Variants in ZBTB46 observed in about 807,000 individuals in gnomAD.
ZBTB46 encodes zinc finger and BTB domain containing 46.
Under a neutral mutation model 44.1 loss-of-function variants are expected in ZBTB46, and 8 were observed. That is an observed-to-expected ratio of 0.18 (90% CI 0.11 to 0.33). ZBTB46 has a LOEUF of 0.33. Among genes scored for constraint, ZBTB46 ranks in the 10% least tolerant of loss-of-function variants. The pLI, the probability that ZBTB46 is intolerant of heterozygous loss-of-function variation, is 1.00. For missense variants in ZBTB46, 651 were observed against 847.7 expected (o/e 0.77, Z 2.88); for synonymous variants, 409 against 382.3 (o/e 1.07, Z -0.81).
At chr20:63,750,779 T>G (rs2092152713) in intron 4 of ZBTB46, among the ~76,000 whole-genome samples, 1 of 152,014 alleles carries the variant, frequency 6.6e-6, no homozygotes, top group Non-Finnish European at 1.5e-5. Flanking sequence ...GGTGCACACC[T>G]GTAGTCCCAG....
chr20:63,806,932 G>A (rs1156731132), intron 1 of ZBTB46, among the ~76,000 whole-genome samples: 2 of 151,960 alleles, frequency 1.3e-5, no homozygotes, highest in East Asian at 1.9e-4. Flanking sequence ...ACCAGCGCCC[G>A]CCACCACACC....
intron 1 of ZBTB46, chr20:63,815,283 CAGGTGCAGTGGGCAA>C (rs1285629932): frequency 2.0e-4 from 56 of 286,690 alleles, no homozygotes; most frequent in South Asian, 1.4e-3. Flanking sequence ...GCAGTGAGTG[CAGGTGCAGTGGGCAA>C]AGGTGCAGTG....
At chr20:63,801,627 C>G (rs950867880) in intron 1 of ZBTB46, among the ~76,000 whole-genome samples, 1 of 152,180 alleles carries the variant, frequency 6.6e-6, no homozygotes, top group Non-Finnish European at 1.5e-5. Context: ...TAAGACTCAC[C>G]GTGAAGGTCT....
chr20:63,790,032 C>T lies in ZBTB46; in HGVS notation c.726G>A (p.Glu242=). The change falls in exon 2 of 5, where the codon GAG becomes GAA. Residue 242 remains glutamate (E), a synonymous_variant. Coordinates refer to ENST00000245663, the MANE Select transcript of ZBTB46 (RefSeq NM_001369741.1). ...CTGCACCGTCCTTGGCAGAAGGCAG[C>T]TCGCTCCCTCCGTACTGAGACGGTG... is the stretch of plus-strand genomic sequence containing the variant. ...QVSPSQYGGS[E]LPSAKDGAVQ... The T allele has an allele frequency of 6.2e-7, 1 of 1,613,964 alleles. No individual in the cohort carries two copies. The highest frequency in any genetic ancestry group is 8.5e-7 in the Non-Finnish European group (1 of 1,179,892).
rs566760571 is a variant in ZBTB46 at position 63,767,285 on chromosome 20, C to T, written c.1222+8393G>A. 6.6e-6 allele frequency among the ~76,000 whole-genome samples: 1 copy of T among 152,220 alleles called. No individual in the cohort carries two copies. The highest frequency in any genetic ancestry group is 1.9e-4 in the East Asian group (1 of 5,156). ...TGTTTTCCCGCCCCTGAAAGCCCCC[C>T]GTCCCCACACATTGGCAATCCCGTA... On this transcript the variant is annotated intron_variant, in intron 3 of 4. Coordinates refer to ENST00000245663, the MANE Select transcript of ZBTB46 (RefSeq NM_001369741.1). The surrounding 1 kb of genome is among the most constrained non-coding windows in gnomAD (Gnocchi z 5.0).
chr20:63,829,362 T>C (rs1043449047), intron 1 of ZBTB46, among the ~76,000 whole-genome samples: 1 of 152,260 alleles, frequency 6.6e-6, no homozygotes, highest in Non-Finnish European at 1.5e-5. Context: ...TTCAGGATAA[T>C]GCTGTCAGTG....
chr20:63,797,493 T>C (rs942993958), intron 1 of ZBTB46, among the ~76,000 whole-genome samples: 5 of 152,194 alleles, frequency 3.3e-5, no homozygotes, highest in African/African-American at 1.2e-4. Flanking sequence ...AGCAACATGA[T>C]TTATAATCCT....
intron 3 of ZBTB46, among the ~76,000 whole-genome samples, chr20:63,772,001 CTTTT>C (rs11473575): frequency 7.2e-6 from 1 of 138,854 alleles, no homozygotes; most frequent in Non-Finnish European, 1.5e-5. Context: ...AGGGCAAATT[CTTTT>C]TTTTTTTTTT....
At chr20:63,805,973 C>T (rs1445074040) in intron 1 of ZBTB46, among the ~76,000 whole-genome samples, 2 of 151,656 alleles carry the variant, frequency 1.3e-5, no homozygotes, top group African/African-American at 4.8e-5. Context: ...CAGGGTTTCA[C>T]CATGTTGGCC....
At position 63,775,688 on chromosome 20, in the gene ZBTB46, G is replaced by A. The variant is rs1318552678; in HGVS notation, c.1212C>T (p.His404=). Residue 404 remains histidine, a synonymous_variant, in exon 3 of 5, where the codon CAC becomes CAT. Transcript: ENST00000245663. ...LLFEYLPRGA[H]SLSLNEFTVI... ...AGGGCCTGCACTTACGGGACAGCGA[G>A]TGGGCCCCTCTGGGCAGGTACTCGA... 3 of 1,576,114 alleles carry A rather than the reference G, an allele frequency of 1.9e-6. No homozygotes were observed. The highest frequency in any genetic ancestry group is 2.6e-6 in the Non-Finnish European group (3 of 1,159,354).
At chr20:63,825,395 C>A (rs1164246801) in intron 1 of ZBTB46, among the ~76,000 whole-genome samples, 1 of 135,454 alleles carries the variant, frequency 7.4e-6, no homozygotes, top group Non-Finnish European at 1.6e-5. Context: ...AACAAGACTC[C>A]GTCTCAAAAA....
chr20:63,781,824 G>A (rs1021374851), intron 2 of ZBTB46, among the ~76,000 whole-genome samples: 5 of 151,852 alleles, frequency 3.3e-5, no homozygotes, highest in African/African-American at 1.2e-4. Flanking sequence ...GGTGGCTCAC[G>A]CCTGTAATCC....
intron 3 of ZBTB46, among the ~76,000 whole-genome samples, chr20:63,768,892 T>C (rs1163904179): frequency 6.6e-6 from 1 of 152,140 alleles, no homozygotes; most frequent in Non-Finnish European, 1.5e-5. Context: ...CACTGAGCTC[T>C]AGGAACTGAT....
At chr20:63,786,753 G>A (rs139228302) in intron 2 of ZBTB46, among the ~76,000 whole-genome samples, 4,539 of 152,134 alleles carry the variant, frequency 0.03, 91 homozygotes, top group South Asian at 0.094. Context: ...CTTGTGATCC[G>A]CCCGCCTTGG....
chr20:63,763,733 C>T (rs1253147972), intron 3 of ZBTB46, among the ~76,000 whole-genome samples: 2 of 152,106 alleles, frequency 1.3e-5, no homozygotes, highest in Non-Finnish European at 2.9e-5. Flanking sequence ...CATTTCTTCT[C>T]CTCATTGAGC....
chr20:63,822,186 A>G (rs2092795838), intron 1 of ZBTB46, among the ~76,000 whole-genome samples: 1 of 152,210 alleles, frequency 6.6e-6, no homozygotes, highest in Admixed American at 6.5e-5. Flanking sequence ...AAAATCCTAA[A>G]CACACTTGCA....
rs1166429342 is a variant in ZBTB46, at chr20:63,826,324, G to T, written c.-34+4773C>A. Among the ~76,000 whole-genome samples, 4 of 152,220 alleles carry T rather than the reference G, an allele frequency of 2.6e-5. No individual in the cohort carries two copies. In the East Asian group the frequency reaches 7.7e-4, roughly 29 times the overall value. On this transcript the variant is annotated intron_variant, in intron 1 of 4. Transcript: ENST00000245663. ...CACATATGTGGCTCTTTTCCATTTT[G>T]GGGGAAACTGAGAAGGACTGAGTCG...
chr20:63,789,127 C>CA (rs77975067), intron 2 of ZBTB46, among the ~76,000 whole-genome samples: 2,038 of 137,936 alleles, frequency 0.015, 35 homozygotes, highest in African/African-American at 0.049. Flanking sequence ...GAGACTGTCT[C>CA]AAAAAAAAAA....
intron 1 of ZBTB46, among the ~76,000 whole-genome samples, chr20:63,821,051 C>T (rs926970638): frequency 6.6e-6 from 1 of 152,030 alleles, no homozygotes; most frequent in Non-Finnish European, 1.5e-5. Flanking sequence ...CGCCATCACG[C>T]CCAGCTAATT....
Sources: allele counts gnomAD v4.1 joint callset (sites outside exome capture counted in the v4.1 genomes callset), GRCh38; gene constraint gnomAD v4.1.1; non-coding constraint Gnocchi (gnomAD v3.1); transcripts MANE v1.5; gene names NCBI Gene and HGNC (gene_info 2026-07-23, HGNC 2026-07-21).